Variants in CNTN4 observed in about 807,000 individuals in gnomAD.
CNTN4 encodes contactin-4.
A neutral mutation model predicts 122.5 loss-of-function variants in CNTN4; 77 were observed. The observed-to-expected ratio is 0.63, with a 90% confidence interval of 0.52 to 0.76. The LOEUF (loss-of-function observed/expected upper bound fraction) is 0.76, where lower values mean the gene tolerates loss of function less well. CNTN4 is among the 30% of genes least tolerant of loss of function. The probability of loss-of-function intolerance (pLI) is 0.00; values close to 1 mark genes in which losing one functional copy is unlikely to be tolerated. For missense variants in CNTN4, 1,256 were observed against 1,259.1 expected, an observed-to-expected ratio of 1.00 and a Z score of 0.04; for synonymous variants, 512 against 447.0, an observed-to-expected ratio of 1.15 and a Z score of -1.83.
At chr3:2,549,759 G>C (rs1429178289) in intron 3 of CNTN4, among the ~76,000 whole-genome samples, 3 of 152,116 alleles carry the variant, frequency 2.0e-5, no homozygotes, top group Non-Finnish European at 4.4e-5. Context: ...GTTTGGAATA[G>C]TTTCAGAAAG....
chr3:2,832,849 G>A (rs577319543), intron 7 of CNTN4, among the ~76,000 whole-genome samples: 1 of 152,280 alleles, frequency 6.6e-6, no homozygotes, highest in South Asian at 2.1e-4. Context: ...TAGAAATGGT[G>A]GGATGCACCC....
intron 2 of CNTN4, among the ~76,000 whole-genome samples, chr3:2,150,973 G>GT (rs1328634870): frequency 1.3e-5 from 2 of 150,534 alleles, no homozygotes; most frequent in African/African-American, 2.5e-5. Context: ...GGGAACTATC[G>GT]TAAGTAAGTT....
At chr3:2,170,991 C>G (rs2036477894) in intron 2 of CNTN4, among the ~76,000 whole-genome samples, 1 of 152,192 alleles carries the variant, frequency 6.6e-6, no homozygotes, top group Admixed American at 6.5e-5. Context: ...TCACATACTA[C>G]TATACGAAAA....
chr3:2,113,689 T>A (rs2033132356), intron 2 of CNTN4, among the ~76,000 whole-genome samples: 1 of 152,136 alleles, frequency 6.6e-6, no homozygotes, highest in Non-Finnish European at 1.5e-5. Context: ...CTATATAGTT[T>A]AAGGCGCAGA....
At chr3:2,618,018 C>G (rs910426737) in intron 4 of CNTN4, among the ~76,000 whole-genome samples, 2 of 152,268 alleles carry the variant, frequency 1.3e-5, no homozygotes, top group African/African-American at 4.8e-5. Context: ...GCAGCCATCA[C>G]TTTCTATGTG....
intron 4 of CNTN4, among the ~76,000 whole-genome samples, chr3:2,716,829 T>A (rs1344551824): frequency 6.6e-6 from 1 of 152,210 alleles, no homozygotes; most frequent in African/African-American, 2.4e-5. Context: ...GCTTTGTGTG[T>A]CTATGTATTT....
At chr3:2,302,440 A>G (rs1009601507) in intron 2 of CNTN4, among the ~76,000 whole-genome samples, 1 of 152,188 alleles carries the variant, frequency 6.6e-6, no homozygotes, top group Non-Finnish European at 1.5e-5. Context: ...AAAACAAACA[A>G]ACAGACATCT....
chr3:2,723,082 C>T (rs1368522899), intron 4 of CNTN4, among the ~76,000 whole-genome samples: 1 of 152,124 alleles, frequency 6.6e-6, no homozygotes, highest in Non-Finnish European at 1.5e-5. Context: ...AGGGATGATT[C>T]CATCATTCTT....
At chr3:2,828,142 T>C (rs564445088) in intron 7 of CNTN4, among the ~76,000 whole-genome samples, 1 of 152,168 alleles carries the variant, frequency 6.6e-6, no homozygotes, top group East Asian at 1.9e-4. Context: ...TGTGTGTGTG[T>C]GCGTGTGTGT....
intron 3 of CNTN4, among the ~76,000 whole-genome samples, chr3:2,342,721 C>T (rs1203377278): frequency 1.3e-5 from 2 of 152,168 alleles, no homozygotes; most frequent in Non-Finnish European, 2.9e-5. Context: ...CTTCTCCTTC[C>T]ACCATGATTT....
At chr3:2,321,137 G>A (rs1024100078) in intron 2 of CNTN4, among the ~76,000 whole-genome samples, 2 of 151,918 alleles carry the variant, frequency 1.3e-5, no homozygotes, top group Middle Eastern at 3.2e-3. Context: ...AGCTCTGAAG[G>A]GACCCATTTT....
rs551908259 is a variant in CNTN4 at position 2,605,923 on chromosome 3, T to G, written c.55+34365T>G. ...CAGTAGTTAGTGCTAGAAAGAAAAT[T>G]TAATCAAGGGGATGTGAATGATGTA... On this transcript the variant is annotated intron_variant, in intron 4 of 24. Transcript: ENST00000418658. 8.3e-4 allele frequency among the ~76,000 whole-genome samples: 127 copies of G among 152,206 alleles called. 1 individual carries two copies. The highest frequency in any genetic ancestry group is 3.4e-3 in the Middle Eastern group (1 of 294).
rs925218930 is a variant in CNTN4, at chr3:2,156,954, C to T, written c.-145+56315C>T. ...AACCATTTTGGGGTCATTAATATTT[C>T]TCATCTGCATGTCTGTACCTCTTCC... On this transcript the variant is annotated intron_variant, in intron 2 of 24. Transcript: ENST00000418658. 2.1e-4 allele frequency among the ~76,000 whole-genome samples: 32 copies of T among 152,202 alleles called. 1 individual carries two copies. The highest frequency in any genetic ancestry group is 7.7e-4 in the African/African-American group (32 of 41,444).
intron 2 of CNTN4, among the ~76,000 whole-genome samples, chr3:2,212,220 C>T (rs2038652574): frequency 6.6e-6 from 1 of 152,120 alleles, no homozygotes; most frequent in South Asian, 2.1e-4. Context: ...AGTAATCCTC[C>T]TGTCTCAGCC....
chr3:2,384,725 T>C (rs1194977589), intron 3 of CNTN4, among the ~76,000 whole-genome samples: 2 of 151,964 alleles, frequency 1.3e-5, no homozygotes, highest in Non-Finnish European at 2.9e-5. Flanking sequence ...TGTAAATTTG[T>C]CCCTGGCTCC....
chr3:2,873,440 G>C (rs182466567), intron 8 of CNTN4, among the ~76,000 whole-genome samples: 1 of 152,212 alleles, frequency 6.6e-6, no homozygotes, highest in African/African-American at 2.4e-5. Flanking sequence ...CATTTTGTGA[G>C]CCTTCACCTC....
At chr3:2,700,825 A>G (rs2149257165) in intron 4 of CNTN4, among the ~76,000 whole-genome samples, 1 of 152,360 alleles carries the variant, frequency 6.6e-6, no homozygotes, top group South Asian at 2.1e-4. Context: ...AGTTTCTATC[A>G]GGGACTATAA....
intron 2 of CNTN4, among the ~76,000 whole-genome samples, chr3:2,243,360 C>T (rs867230445): frequency 7.9e-5 from 12 of 152,072 alleles, no homozygotes; most frequent in Middle Eastern, 6.3e-3. Flanking sequence ...GAAGTGGAAC[C>T]TTAATATCCA....
At chr3:2,125,579 A>T (rs1460124939) in intron 2 of CNTN4, among the ~76,000 whole-genome samples, 49 of 107,694 alleles carry the variant, frequency 4.5e-4, no homozygotes, top group African/African-American at 1.5e-3. Flanking sequence ...TTTTTTTTTG[A>T]GACGAGTCTC....
Sources: allele counts gnomAD v4.1 joint callset (sites outside exome capture counted in the v4.1 genomes callset), GRCh38; gene constraint gnomAD v4.1.1; transcripts MANE v1.5; gene names NCBI Gene and HGNC (gene_info 2026-07-23, HGNC 2026-07-21).